ATAD3B: variants seen among roughly 807,000 people sequenced by gnomAD.
ATAD3B encodes ATPase family AAA domain containing 3B, also known as ATPase family AAA domain-containing protein 3B.
In ATAD3B, 59 loss-of-function variants were observed where a neutral mutation model predicts 70.2. The ratio of observed to expected loss-of-function variants is 0.84; its 90% CI spans 0.68 to 1.04. The LOEUF (loss-of-function observed/expected upper bound fraction) is 1.04, where lower values mean the gene tolerates loss of function less well. ATAD3B is among the 50% of genes least tolerant of loss of function. The pLI is 0.00. For synonymous variants in ATAD3B, 423 were observed against 388.6 expected, an observed-to-expected ratio of 1.09 and a Z score of -1.04; for missense variants, 961 against 913.4, an observed-to-expected ratio of 1.05 and a Z score of -0.67.
In ATAD3B at chr1:1,497,089, C is replaced by G. The variant is rs899583001; in HGVS notation, c.*1272C>G. On this transcript the variant is annotated 3_prime_UTR_variant, in exon 16 of 16. Coordinates refer to ENST00000673477, the MANE Select transcript of ATAD3B (RefSeq NM_031921.6). The stretch of plus-strand genomic sequence containing the variant: ...GTTGAAGTAGGAAACAGAAGAGGAG[C>G]CTGGGCACGCAACGGTCCCATCGGA... 6.6e-6 allele frequency: 1 copy of G among 151,640 alleles called. No individual in the cohort carries two copies. Among genetic ancestry groups the G allele is most frequent in the Admixed American group, 6.6e-5 (1 of 15,186 alleles). The allele number at this position is 151,640 out of a possible 1,614,324, so 9.4% of individuals were successfully genotyped here. A position where few individuals can be genotyped will look rare whatever the true frequency, so the allele number is the denominator to read the frequency against.
intron 5 of ATAD3B, 134 bp from the exon 6 acceptor site, chr1:1,482,004 G>A (rs1340312414): frequency 9.9e-6 from 14 of 1,409,050 alleles, no homozygotes; most frequent in Middle Eastern, 2.5e-4. Flanking sequence ...GGGCCGGTCC[G>A]TGGCATGGGC....
intron 2 of ATAD3B, chr1:1,478,340 C>T: frequency 7.8e-7 from 1 of 1,287,464 alleles, no homozygotes. Flanking sequence ...CTGCCCTCAT[C>T]ACAGTCCAAA....
chr1:1,496,718 C>T lies in ATAD3B; in HGVS notation c.*901C>T, dbSNP rs1246767672. On this transcript the variant is annotated 3_prime_UTR_variant, in exon 16 of 16. Transcript: ENST00000673477. ...ACACTCGCTGCCTGAATTCTGGGAG[C>T]AGAGCGTGGTACCCACTGCCTGGCT... is the stretch of plus-strand genomic sequence containing the variant. The T allele has an allele frequency of 6.7e-6, 1 of 149,934 alleles. No homozygotes were observed. The highest frequency in any genetic ancestry group is 1.5e-5 in the Non-Finnish European group (1 of 67,844). 9.3% of individuals were successfully genotyped at this position (149,934 alleles called of 1,614,324 possible).
chr1:1,488,784 G>A (rs113341267), intron 12 of ATAD3B, among the ~76,000 whole-genome samples: 10 of 151,850 alleles, frequency 6.6e-5, no homozygotes, highest in East Asian at 1.9e-4. Flanking sequence ...AGATTTGATC[G>A]CCTTGACCTT....
intron 1 of ATAD3B, among the ~76,000 whole-genome samples, chr1:1,472,710 C>T (rs763005744): frequency 3.9e-5 from 6 of 152,014 alleles, no homozygotes; most frequent in Non-Finnish European, 8.8e-5. Flanking sequence ...CCTTCCTTTC[C>T]CCTGTGGCTT....
rs773985897 is a variant in ATAD3B at position 1,487,845 on chromosome 1, CCT to C, written c.1215-10_1215-9del. ...CTGGCGTCACTCTCGCCTTGCTTGG[CCT>C]CTCTCTCGTTCACAGCCTCCTGCTC... On this transcript the variant is annotated splice_polypyrimidine_tract_variant and intron_variant, in intron 11 of 15. Coordinates refer to ENST00000673477, the MANE Select transcript of ATAD3B (RefSeq NM_031921.6). 194 of 1,612,450 alleles carry C rather than the reference CCT, an allele frequency of 1.2e-4. 3 individuals are homozygous for C. In the Middle Eastern group the frequency reaches 4.8e-3, roughly 40 times the overall value.
At chr1:1,479,675 A>G (rs1162540274) in intron 4 of ATAD3B, among the ~76,000 whole-genome samples, 1 of 137,076 alleles carries the variant, frequency 7.3e-6, no homozygotes, top group Non-Finnish European at 1.5e-5. Flanking sequence ...CCAAACACAC[A>G]TGGGTCCTCA....
rs138299569 is a variant in ATAD3B, at chr1:1,490,757, G to C, written c.1614+86G>C. ...TTGCGCCAGGCCTGTCCCAGCACCG[G>C]TGTCATGTGGGAGCTTCTGTTGAGG... On this transcript the variant is annotated intron_variant, in intron 15 of 15. Transcript: ENST00000673477. The C allele has an allele frequency of 1.8e-4, 271 of 1,521,242 alleles. 1 individual carries two copies. In the African/African-American group the frequency reaches 3.3e-3, roughly 19 times the overall value. 94.2% of individuals were successfully genotyped at this position (1,521,242 alleles called of 1,614,324 possible).
intron 1 of ATAD3B, among the ~76,000 whole-genome samples, chr1:1,474,774 G>C (rs532246017): frequency 6.6e-6 from 1 of 151,996 alleles, no homozygotes; most frequent in Non-Finnish European, 1.5e-5. Flanking sequence ...GCGCTGGGAT[G>C]ACAGGCGTGA....
chr1:1,502,422 G>A (rs1467503580), downstream of ATAD3B, among the ~76,000 whole-genome samples: 1 of 149,548 alleles, frequency 6.7e-6, no homozygotes, highest in East Asian at 2.0e-4. Flanking sequence ...CACCATGTTA[G>A]CCAGGATGAT....
At chr1:1,500,328 A>G (rs557173934), downstream of ATAD3B, among the ~76,000 whole-genome samples, 251 of 145,316 alleles carry the variant, frequency 1.7e-3, 1 homozygote, top group Middle Eastern at 0.012. Context: ...CGAGGCGGGC[A>G]GATCACGAGG....
rs559950345 is a variant in ATAD3B at position 1,489,284 on chromosome 1, C to T, written c.1337+10C>T. 9.3e-6 allele frequency: 15 copies of T among 1,613,238 alleles called. No individual in the cohort carries two copies. Among genetic ancestry groups the T allele is most frequent in the Admixed American group, 8.3e-5 (5 of 59,958 alleles). ...GCCAACACAGCAACAAGTGAGGGAG[C>T]CCCTCGGGTCCTGAGCCCCCGGGCA... is the stretch of plus-strand genomic sequence containing the variant. On this transcript the variant is annotated intron_variant, in intron 13 of 15. Transcript: ENST00000673477.
chr1:1,485,203 C>T (rs778973777), intron 8 of ATAD3B, 32 bp downstream of exon 8: 2 of 1,601,202 alleles, frequency 1.2e-6, no homozygotes, highest in East Asian at 2.3e-5. Context: ...TCCCTGAGTG[C>T]AGTTCCTGGC....
the ATAD3B span, chr1:1,509,263 T>G: frequency 3.1e-6 from 5 of 1,612,928 alleles, no homozygotes; most frequent in Non-Finnish European, 4.2e-6. Flanking sequence ...GACACCCGCG[T>G]GCAAGATGCT....
chr1:1,493,493 G>C (rs1016773888), intron 15 of ATAD3B, among the ~76,000 whole-genome samples: 2 of 151,716 alleles, frequency 1.3e-5, no homozygotes, highest in Non-Finnish European at 2.9e-5. Flanking sequence ...CCAGGCTGGA[G>C]TGCAGTAGAG....
At chr1:1,503,550 C>A in the ATAD3B span, 7 of 1,593,154 alleles carry the variant, frequency 4.4e-6, no homozygotes, top group African/African-American at 8.1e-5. Context: ...TCCGTGTATC[C>A]TAACACCCGC....
At position 1,496,205 on chromosome 1, in the gene ATAD3B, G is replaced by A. The variant is rs999820245; in HGVS notation, c.*388G>A. ...AATAAAGTCCCACAGGTGCCTCACC[G>A]CCGTGTCTCTCTATTGACTGACACT... On this transcript the variant is annotated 3_prime_UTR_variant, in exon 16 of 16. Transcript: ENST00000673477. 12 of 1,015,326 alleles carry A rather than the reference G, an allele frequency of 1.2e-5. No homozygotes were observed. In the East Asian group the frequency reaches 2.8e-4, roughly 24 times the overall value. 62.9% of individuals were successfully genotyped at this position (1,015,326 alleles called of 1,614,324 possible). A position where few individuals can be genotyped will look rare whatever the true frequency, so the allele number is the denominator to read the frequency against.
chr1:1,486,353 C>A, intron 10 of ATAD3B, 118 bp downstream of exon 10: 2 of 1,589,810 alleles, frequency 1.3e-6, no homozygotes, highest in South Asian at 1.1e-5. Flanking sequence ...TGCCTACCCT[C>A]GTGTAGGCTC....
intron 9 of ATAD3B, 92 bp from the exon 10 acceptor site, chr1:1,486,018 C>T: frequency 1.3e-6 from 2 of 1,599,280 alleles, no homozygotes; most frequent in Non-Finnish European, 1.7e-6. Flanking sequence ...TCCTGAGGAG[C>T]AGAGTCCGCA....
Sources: allele counts gnomAD v4.1 joint callset (sites outside exome capture counted in the v4.1 genomes callset), GRCh38; gene constraint gnomAD v4.1.1; transcripts MANE v1.5; gene names NCBI Gene and HGNC (gene_info 2026-07-23, HGNC 2026-07-21).